Variants in GTF2I observed in about 807,000 individuals in gnomAD.
GTF2I encodes general transcription factor IIi, also known as general transcription factor II-I.
GTF2I carries 12 observed loss-of-function variants against 67.6 expected under a neutral mutation model. The observed-to-expected ratio is 0.18, with a 90% confidence interval of 0.11 to 0.29. The LOEUF (loss-of-function observed/expected upper bound fraction) is 0.29, where lower values mean the gene tolerates loss of function less well. GTF2I is among the 10% of genes least tolerant of loss of function. The pLI, the probability that GTF2I is intolerant of heterozygous loss-of-function variation, is 1.00. For synonymous variants in GTF2I, 149 were observed against 197.0 expected, an observed-to-expected ratio of 0.76 and a Z score of 2.04; for missense variants, 271 against 580.1, an observed-to-expected ratio of 0.47 and a Z score of 5.47.
intron 11 of GTF2I, 41 bp from the exon 12 acceptor site, chr7:74,718,838 C>T (rs1554404068): frequency 9.9e-7 from 1 of 1,006,582 alleles, no homozygotes; most frequent in Admixed American, 2.3e-5. Flanking sequence ...TGGAAACATG[C>T]TTAATAATGA....
intron 6 of GTF2I, among the ~76,000 whole-genome samples, chr7:74,700,970 G>A (rs1179255819): frequency 6.6e-6 from 1 of 152,216 alleles, no homozygotes; most frequent in Non-Finnish European, 1.5e-5. Flanking sequence ...ATACGCAGCT[G>A]TGTATCAGCA....
At chr7:74,716,248 C>T (rs1792250305) in intron 10 of GTF2I, among the ~76,000 whole-genome samples, 1 of 152,054 alleles carries the variant, frequency 6.6e-6, no homozygotes, top group Non-Finnish European at 1.5e-5. Context: ...GTAGGATGAG[C>T]CTGTTCACCT....
intron 1 of GTF2I, among the ~76,000 whole-genome samples, chr7:74,679,714 A>G (rs1450594585): frequency 6.6e-6 from 1 of 152,114 alleles, no homozygotes; most frequent in South Asian, 2.1e-4. Context: ...CTGAGATTAC[A>G]GGTGTGAGCC....
chr7:74,718,480 C>G (rs2131438366), intron 11 of GTF2I, among the ~76,000 whole-genome samples: 1 of 152,292 alleles, frequency 6.6e-6, no homozygotes, highest in Admixed American at 6.5e-5. Flanking sequence ...TTTTATTGAA[C>G]AGTAGAAACC....
At chr7:74,676,943 C>T (rs1401307418) in intron 1 of GTF2I, among the ~76,000 whole-genome samples, 8 of 152,046 alleles carry the variant, frequency 5.3e-5, no homozygotes, top group African/African-American at 1.9e-4. Context: ...CCTGTAATCC[C>T]AGCTACTCCG....
chr7:74,717,085 G>T (rs1259198434), intron 11 of GTF2I, 135 bp downstream of exon 11: 13 of 1,290,632 alleles, frequency 1.0e-5, no homozygotes, highest in Non-Finnish European at 1.3e-5. Context: ...TAGCCAACAG[G>T]TTATTATTTT....
intron 1 of GTF2I, among the ~76,000 whole-genome samples, chr7:74,674,930 T>C (rs1805765923): frequency 6.6e-6 from 1 of 151,804 alleles, no homozygotes; most frequent in African/African-American, 2.4e-5. Context: ...CTCAGCTCAC[T>C]GCAACTTCTT....
intron 8 of GTF2I, among the ~76,000 whole-genome samples, chr7:74,707,181 G>A (rs782594717): frequency 6.6e-6 from 1 of 152,170 alleles, no homozygotes; most frequent in Non-Finnish European, 1.5e-5. Flanking sequence ...TCCTAGAACC[G>A]TGGCACCCAG....
At chr7:74,724,421 C>G (rs888904469) in intron 12 of GTF2I, among the ~76,000 whole-genome samples, 2 of 152,076 alleles carry the variant, frequency 1.3e-5, no homozygotes, top group African/African-American at 4.8e-5. Flanking sequence ...GATTCACCGG[C>G]CAGAATGCAG....
chr7:74,700,448 T>G lies in GTF2I; in HGVS notation c.557+18T>G, dbSNP rs1554399570. The G allele has an allele frequency of 6.2e-7, 1 of 1,613,550 alleles. No homozygotes were observed. Among genetic ancestry groups the G allele is most frequent in the East Asian group, 2.2e-5 (1 of 44,888 alleles). On this transcript the variant is annotated intron_variant, in intron 5 of 34. Coordinates refer to ENST00000573035, the MANE Select transcript of GTF2I (RefSeq NM_032999.4). The stretch of plus-strand genomic sequence containing the variant: ...ATTAAGAGGTGAAGTGCTTTCTCCC[T>G]TTGTACCCATCAACAGTTGATTCGT...
intron 1 of GTF2I, among the ~76,000 whole-genome samples, chr7:74,669,721 C>T (rs1256470090): frequency 9.2e-5 from 14 of 152,002 alleles, no homozygotes; most frequent in African/African-American, 1.2e-4. Context: ...TTAGTAGAGA[C>T]GGGGTTTCAC....
At chr7:74,700,690 T>C in intron 6 of GTF2I, 56 bp downstream of exon 6, 1 of 1,463,806 alleles carries the variant, frequency 6.8e-7, no homozygotes, top group Admixed American at 1.7e-5. Flanking sequence ...TGCTAGATTT[T>C]CATACACTTT....
intron 10 of GTF2I, among the ~76,000 whole-genome samples, chr7:74,715,159 T>A (rs1350558162): frequency 6.6e-6 from 1 of 152,098 alleles, no homozygotes; most frequent in Non-Finnish European, 1.5e-5. Flanking sequence ...CACACTTTCC[T>A]ATTGAAGGTA....
At chr7:74,685,643 T>A (rs1787646762) in intron 1 of GTF2I, among the ~76,000 whole-genome samples, 1 of 152,094 alleles carries the variant, frequency 6.6e-6, no homozygotes, top group African/African-American at 2.4e-5. Context: ...GGCGGGCACC[T>A]GTAGTCCCAG....
intron 8 of GTF2I, among the ~76,000 whole-genome samples, chr7:74,709,871 C>T (rs1226705737): frequency 6.6e-6 from 1 of 151,966 alleles, no homozygotes; most frequent in Non-Finnish European, 1.5e-5. Flanking sequence ...CGAGGTTTCA[C>T]CATGTTGGCC....
At chr7:74,715,299 A>C (rs1239706664) in intron 10 of GTF2I, among the ~76,000 whole-genome samples, 1 of 152,068 alleles carries the variant, frequency 6.6e-6, no homozygotes, top group Non-Finnish European at 1.5e-5. Flanking sequence ...AGCACTTGTT[A>C]ATCTGTAAGT....
chr7:74,689,170 G>C lies in GTF2I; in HGVS notation c.42G>C (p.Glu14Asp), dbSNP rs1178011726. ...VAMSTLPVED[E>D]ESSESRMVVT... Reference sequence around the variant, plus strand: ...TGTCCACCCTCCCCGTTGAAGATGAGGAGTCCTCGGAGAGCAGGATGGTGG... The same window carrying C: ...TGTCCACCCTCCCCGTTGAAGATGACGAGTCCTCGGAGAGCAGGATGGTGG... Residue 14 changes from glutamate (E) to aspartate (D), a missense_variant, in exon 2 of 35, where the codon GAG becomes GAC. Coordinates refer to ENST00000573035, the MANE Select transcript of GTF2I (RefSeq NM_032999.4). 1.2e-6 allele frequency: 2 copies of C among 1,612,990 alleles called. No homozygotes were observed. The highest frequency in any genetic ancestry group is 1.7e-6 in the Non-Finnish European group (2 of 1,179,196).
chr7:74,706,381 T>C lies in GTF2I; in HGVS notation c.642-9T>C. The stretch of plus-strand genomic sequence containing the variant: ...ACGTGGCTTGATCAGGGCTTTCTTC[T>C]CCTTGCAGTTGTGGCCCCATCAAAG... On this transcript the variant is annotated splice_polypyrimidine_tract_variant and intron_variant, in intron 7 of 34. Coordinates refer to ENST00000573035, the MANE Select transcript of GTF2I (RefSeq NM_032999.4). The C allele has an allele frequency of 6.2e-7, 1 of 1,613,160 alleles. No individual in the cohort carries two copies. Among genetic ancestry groups the C allele is most frequent in the Non-Finnish European group, 8.5e-7 (1 of 1,179,176 alleles).
intron 12 of GTF2I, among the ~76,000 whole-genome samples, chr7:74,720,174 A>G (rs1232793328): frequency 6.6e-6 from 1 of 152,226 alleles, no homozygotes; most frequent in Non-Finnish European, 1.5e-5. Context: ...ATACATTACA[A>G]TGCACATTTT....
Sources: allele counts gnomAD v4.1 joint callset (sites outside exome capture counted in the v4.1 genomes callset), GRCh38; gene constraint gnomAD v4.1.1; transcripts MANE v1.5; gene names NCBI Gene and HGNC (gene_info 2026-07-23, HGNC 2026-07-21).